SHROOM3: variants seen among roughly 807,000 people sequenced by gnomAD.
The protein encoded by SHROOM3 is shroom family member 3.
SHROOM3 carries 47 observed loss-of-function variants against 138.6 expected under a neutral mutation model. The ratio of observed to expected loss-of-function variants is 0.34; its 90% confidence interval spans 0.27 to 0.43. The LOEUF is 0.43. SHROOM3 is among the 20% of genes least tolerant of loss of function. The pLI, the probability that SHROOM3 is intolerant of heterozygous loss-of-function variation, is 1.00. For missense variants in SHROOM3, 2,491 were observed against 2,596.5 expected (o/e 0.96, Z 0.88); for synonymous variants, 1,062 against 1,063.3 (o/e 1.00, Z 0.02).
chr4:76,737,809 G>A (rs1243807693), intron 4 of SHROOM3, among the ~76,000 whole-genome samples: 1 of 151,978 alleles, frequency 6.6e-6, no homozygotes, highest in Non-Finnish European at 1.5e-5. Context: ...TCTTAGGATT[G>A]GCCAGTTTTT....
chr4:76,739,739 ATCTGGCAGGCCTGGGTTTGCCT>A lies in SHROOM3; in HGVS notation c.1571_1592del (p.Gly524AlafsTer4). On this transcript the variant is annotated frameshift_variant, in exon 5 of 11. Coordinates refer to ENST00000296043, the MANE Select transcript of SHROOM3 (RefSeq NM_020859.4). LOFTEE classifies it high-confidence loss of function. ...TTGATGAGAATGGGAACCAGAATGG[ATCTGGCAGGCCTGGGTTTGCCT>A]TCTGCCAGCCCTTAGAACATGACTT... The A allele has an allele frequency of 6.2e-7, 1 of 1,614,228 alleles. No homozygotes were observed. Among genetic ancestry groups the A allele is most frequent in the Non-Finnish European group, 8.5e-7 (1 of 1,180,042 alleles).
In SHROOM3 at chr4:76,782,627, A is replaced by G. The variant is rs1722762187; in HGVS notation, c.*3450A>G. 6.6e-6 allele frequency: 1 copy of G among 152,144 alleles called. No individual in the cohort carries two copies. Among genetic ancestry groups the G allele is most frequent in the Non-Finnish European group, 1.5e-5 (1 of 68,030 alleles). The allele number at this position is 152,144 out of a possible 1,614,324, so 9.4% of individuals were successfully genotyped here. ...TTACTTCTCTTCAGTTTAATTGTCC[A>G]TGGTAGTGCTGGCTTCATTGTTAGG... On this transcript the variant is annotated 3_prime_UTR_variant, in exon 11 of 11. Coordinates refer to ENST00000296043, the MANE Select transcript of SHROOM3 (RefSeq NM_020859.4).
chr4:76,504,011 A>G (rs536070900), intron 1 of SHROOM3, among the ~76,000 whole-genome samples: 100 of 152,276 alleles, frequency 6.6e-4, no homozygotes, highest in Middle Eastern at 3.4e-3. Context: ...CAAAAACTCC[A>G]TGAACAAAAA....
At chr4:76,592,377 G>A (rs185451220) in intron 2 of SHROOM3, among the ~76,000 whole-genome samples, 51 of 152,296 alleles carry the variant, frequency 3.3e-4, no homozygotes, top group African/African-American at 1.2e-3. Context: ...TCTATAGAGT[G>A]CCTAGCACAC....
intron 2 of SHROOM3, among the ~76,000 whole-genome samples, chr4:76,693,370 G>GTTTTTTTTT (rs10648549): frequency 0.15 from 12,033 of 78,956 alleles, 1,623 homozygotes; most frequent in East Asian, 0.24. Flanking sequence ...TGATAAGTTT[G>GTTTTTTTTT]TTTTTTTTTT....
chr4:76,646,507 AG>A (rs1735825480), intron 2 of SHROOM3, among the ~76,000 whole-genome samples: 1 of 151,986 alleles, frequency 6.6e-6, no homozygotes, highest in Non-Finnish European at 1.5e-5. Context: ...TGGACTGTTA[AG>A]GTCCCTCTTC....
chr4:76,740,903 G>T lies in SHROOM3; in HGVS notation c.2730G>T (p.Ser910=). 8.0e-6 allele frequency: 12 copies of T among 1,503,480 alleles called. No homozygotes were observed. Among genetic ancestry groups the T allele is most frequent in the Non-Finnish European group, 9.7e-6 (11 of 1,129,990 alleles). The allele number at this position is 1,503,480 out of a possible 1,614,324, so 93.1% of individuals were successfully genotyped here. Residue 910 remains serine, a synonymous_variant, in exon 5 of 11, where the codon TCG becomes TCT. Transcript: ENST00000296043. The surrounding 1 kb of genome is among the most constrained non-coding windows in gnomAD (Gnocchi z 4.0). ...CCGAGTGGCGGGACAGGCCCGGCTC[G>T]CCCGAATCGCCCCTGCTGGATGCCC... is the stretch of plus-strand genomic sequence containing the variant. ...REPEWRDRPG[S]PESPLLDAPF...
intron 4 of SHROOM3, among the ~76,000 whole-genome samples, chr4:76,737,719 A>G (rs1721120282): frequency 6.6e-6 from 1 of 151,986 alleles, no homozygotes; most frequent in African/African-American, 2.4e-5. Context: ...GTTCCCTAGT[A>G]TCTTGTTGTT....
rs374530154 is a variant in SHROOM3 at position 76,441,086 on chromosome 4, G to GTTTTTTTTTTTT, written c.168+4876_168+4887dup. Among the ~76,000 whole-genome samples the GTTTTTTTTTTTT allele has an allele frequency of 3.5e-4, 29 of 82,188 alleles. 1 individual carries two copies. Among genetic ancestry groups the GTTTTTTTTTTTT allele is most frequent in the Admixed American group, 6.0e-4 (3 of 5,036 alleles). 53.9% of individuals were successfully genotyped at this position (82,188 alleles called of 152,430 possible). Reference sequence around the variant, plus strand: ...TCAGCCACAGTCCTGAGTTCAATTTGTTTTTTTTTTTTTTTTTTTTTGAGA... The same window carrying GTTTTTTTTTTTT: ...TCAGCCACAGTCCTGAGTTCAATTTGTTTTTTTTTTTTTTTTTTTTTTTTTTTTTTTTTGAGA... On this transcript the variant is annotated intron_variant, in intron 1 of 10. Coordinates refer to ENST00000296043, the MANE Select transcript of SHROOM3 (RefSeq NM_020859.4).
Position 76,435,948 on chromosome 4 carries a change from C to A in SHROOM3, c.-105C>A. On this transcript the variant is annotated 5_prime_UTR_variant, in exon 1 of 11. Transcript: ENST00000296043. ...TTGCTTCTCCAAACCTCTCTTTTGG[C>A]CATTGTGTGTCCTGAAGGATGGGAC... is the stretch of plus-strand genomic sequence containing the variant. 1 of 1,206,562 alleles carries A rather than the reference C, an allele frequency of 8.3e-7. No individual in the cohort carries two copies. The highest frequency in any genetic ancestry group is 1.2e-6 in the Non-Finnish European group (1 of 855,060). 74.7% of individuals were successfully genotyped at this position (1,206,562 alleles called of 1,614,324 possible). A position where few individuals can be genotyped will look rare whatever the true frequency, so the allele number is the denominator to read the frequency against.
Position 76,494,109 on chromosome 4 carries a change from C to T in SHROOM3, c.168+57889C>T, listed in dbSNP as rs150377095. Among the ~76,000 whole-genome samples, 485 of 151,552 alleles carry T rather than the reference C, an allele frequency of 3.2e-3. 3 individuals are homozygous for T. Among genetic ancestry groups the T allele is most frequent in the African/African-American group, 0.011 (465 of 41,310 alleles). Reference sequence around the variant, plus strand: ...TTATTTTTCTCATTCTCCCTGCTCACGGCCCCCTCCCTAATTCAATTAATA... The same window carrying T: ...TTATTTTTCTCATTCTCCCTGCTCATGGCCCCCTCCCTAATTCAATTAATA... On this transcript the variant is annotated intron_variant, in intron 1 of 10. Transcript: ENST00000296043.
chr4:76,725,563 A>G (rs181593448), intron 3 of SHROOM3, among the ~76,000 whole-genome samples: 6 of 152,328 alleles, frequency 3.9e-5, no homozygotes, highest in Admixed American at 2.0e-4. Flanking sequence ...ATTTTTAAAT[A>G]TCAGTTTCAA....
chr4:76,708,886 A>T (rs1720144553), intron 2 of SHROOM3, among the ~76,000 whole-genome samples: 1 of 152,214 alleles, frequency 6.6e-6, no homozygotes, highest in Non-Finnish European at 1.5e-5. Flanking sequence ...CCAATTTTCA[A>T]ACTTCAAGTC....
At chr4:76,759,412 A>T in intron 8 of SHROOM3, 133 bp from the exon 9 acceptor site, 1 of 1,199,276 alleles carries the variant, frequency 8.3e-7, no homozygotes, top group Non-Finnish European at 1.2e-6. Flanking sequence ...GTTAACAGTT[A>T]CTAGTTTATC....
At chr4:76,756,306 C>A in intron 7 of SHROOM3, 143 bp from the exon 8 acceptor site, 2 of 981,542 alleles carry the variant, frequency 2.0e-6, no homozygotes, top group Non-Finnish European at 1.5e-6. Context: ...CTGTCAGTAA[C>A]ATGTGGAAGA....
chr4:76,681,594 G>GGGGTGTGTGTGT lies in SHROOM3; in HGVS notation c.324-28561_324-28560insGGTGTGTGTGTG, dbSNP rs1553936165. 4.6e-4 allele frequency among the ~76,000 whole-genome samples: 37 copies of GGGGTGTGTGTGT among 81,068 alleles called. 1 individual carries two copies. The highest frequency in any genetic ancestry group is 6.5e-4 in the Non-Finnish European group (29 of 44,306). The allele number at this position is 81,068 out of a possible 152,430, so 53.2% of individuals were successfully genotyped here. A position where few individuals can be genotyped will look rare whatever the true frequency, so the allele number is the denominator to read the frequency against. On this transcript the variant is annotated intron_variant, in intron 2 of 10. Coordinates refer to ENST00000296043, the MANE Select transcript of SHROOM3 (RefSeq NM_020859.4). The stretch of plus-strand genomic sequence containing the variant: ...TGTAAGAAGCTTAGGCAGAGTCTAG[G>GGGGTGTGTGTGT]GTGTGTGTGTGTGTGTGTGTGTGTG...
At chr4:76,445,427 G>A (rs1730785569) in intron 1 of SHROOM3, among the ~76,000 whole-genome samples, 1 of 152,166 alleles carries the variant, frequency 6.6e-6, no homozygotes, top group Non-Finnish European at 1.5e-5. Flanking sequence ...GATAGTGTCT[G>A]TGAGGTAGAG....
chr4:76,710,148 G>A lies in SHROOM3; in HGVS notation c.324-8G>A. ...ATGCTCAGCTTCTTCTTTTCCTATT[G>A]TTGACAGAGATGTGTGCACAGACCC... On this transcript the variant is annotated splice_region_variant and splice_polypyrimidine_tract_variant and intron_variant, in intron 2 of 10. Transcript: ENST00000296043. 6.2e-7 allele frequency: 1 copy of A among 1,613,900 alleles called. No homozygotes were observed. Among genetic ancestry groups the A allele is most frequent in the Non-Finnish European group, 8.5e-7 (1 of 1,179,928 alleles).
At chr4:76,622,697 A>G (rs996452378) in intron 2 of SHROOM3, among the ~76,000 whole-genome samples, 3 of 152,134 alleles carry the variant, frequency 2.0e-5, no homozygotes, top group Admixed American at 6.5e-5. Flanking sequence ...AATTCCACCA[A>G]GAAAGTATAA....
Sources: allele counts gnomAD v4.1 joint callset (sites outside exome capture counted in the v4.1 genomes callset), GRCh38; gene constraint gnomAD v4.1.1; non-coding constraint Gnocchi (gnomAD v3.1); transcripts MANE v1.5; gene names NCBI Gene and HGNC (gene_info 2026-07-23, HGNC 2026-07-21).